The following RNF182 variants were observed in gnomAD, a reference collection of about 807,000 sequenced individuals.
RNF182 encodes ring finger protein 182, also known as E3 ubiquitin-protein ligase RNF182.
Under a neutral mutation model 14.4 loss-of-function variants are expected in RNF182, and 15 were observed. The ratio of observed to expected loss-of-function variants is 1.04; its 90% CI spans 0.70 to 1.60. The LOEUF is 1.60. RNF182 is among the 40% of genes most tolerant of loss of function. The pLI is 0.00. For synonymous variants in RNF182, 128 were observed against 122.9 expected (o/e 1.04, Z -0.27); for missense variants, 268 against 294.8 (o/e 0.91, Z 0.67).
intron 1 of RNF182, among the ~76,000 whole-genome samples, chr6:13,973,323 T>C (rs1036665745): frequency 6.6e-6 from 1 of 152,146 alleles, no homozygotes; most frequent in African/African-American, 2.4e-5. Flanking sequence ...GACTATGGAC[T>C]TTTGAGTTAA....
In RNF182 at chr6:13,977,674, A is replaced by C; in HGVS notation, c.555A>C (p.Leu185Phe). 2 of 1,614,110 alleles carry C rather than the reference A, an allele frequency of 1.2e-6. No homozygotes were observed. Among genetic ancestry groups the C allele is most frequent in the Non-Finnish European group, 1.7e-6 (2 of 1,179,986 alleles). Residue 185 changes from leucine to phenylalanine, a missense_variant, in exon 3 of 3, where the codon TTA becomes TTC. Leu to Phe is a conservative substitution (Grantham distance 22). Transcript: ENST00000488300. ...TGTTTCAGACATCCATCCGGGTGTT[A>C]GTGTGGTTGCTAGGTTTGCTCTACT... ...SLLFQTSIRV[L>F]VWLLGLLYFS...
intron 1 of RNF182, among the ~76,000 whole-genome samples, chr6:13,946,010 A>G (rs1051796140): frequency 6.6e-6 from 1 of 152,130 alleles, no homozygotes; most frequent in Non-Finnish European, 1.5e-5. Context: ...CCTTAGGTAT[A>G]ATGCTTATTT....
chr6:13,924,564 A>C (rs1758761083), upstream of RNF182: 1 of 152,286 alleles, frequency 6.6e-6, no homozygotes, highest in Non-Finnish European at 1.5e-5. Flanking sequence ...ACAGCTCCAC[A>C]GGAGAAAGGT....
intron 1 of RNF182, chr6:13,949,435 G>T (rs1316372609): frequency 3.0e-5 from 21 of 707,958 alleles, no homozygotes; most frequent in Non-Finnish European, 4.9e-5. Context: ...TCATCTATAG[G>T]TTTCTTTGAC....
intron 1 of RNF182, among the ~76,000 whole-genome samples, chr6:13,955,303 C>T (rs1759698903): frequency 6.6e-6 from 1 of 152,140 alleles, no homozygotes; most frequent in South Asian, 2.1e-4. Context: ...AAGGATTACA[C>T]AGTAATACAA....
intron 1 of RNF182, among the ~76,000 whole-genome samples, chr6:13,935,035 A>G (rs992988449): frequency 2.6e-5 from 4 of 152,212 alleles, no homozygotes; most frequent in African/African-American, 7.2e-5. Flanking sequence ...TGGAATAGGA[A>G]GCCATTCTAG....
At chr6:13,935,251 C>T (rs1440432839) in intron 1 of RNF182, among the ~76,000 whole-genome samples, 2 of 151,946 alleles carry the variant, frequency 1.3e-5, no homozygotes, top group Non-Finnish European at 2.9e-5. Context: ...TTTATGTGAT[C>T]GATTGATACC....
chr6:13,937,016 T>TA (rs1759127796), intron 1 of RNF182, among the ~76,000 whole-genome samples: 1 of 152,144 alleles, frequency 6.6e-6, no homozygotes. Context: ...GACGTTAAAA[T>TA]ATGTTGAGCA....
At chr6:13,939,191 G>C (rs938425124) in intron 1 of RNF182, among the ~76,000 whole-genome samples, 3 of 152,178 alleles carry the variant, frequency 2.0e-5, no homozygotes, top group Admixed American at 2.0e-4. Context: ...CCCATTTTTA[G>C]TGTTTGGCGT....
intron 1 of RNF182, among the ~76,000 whole-genome samples, chr6:13,962,377 A>G (rs1242118041): frequency 1.3e-5 from 2 of 152,206 alleles, no homozygotes; most frequent in Admixed American, 6.5e-5. Context: ...GTAAAAACCA[A>G]TGTTCTGCCT....
chr6:13,947,785 A>G (rs1238497988), intron 1 of RNF182, among the ~76,000 whole-genome samples: 2 of 152,190 alleles, frequency 1.3e-5, no homozygotes, highest in Non-Finnish European at 2.9e-5. Context: ...TCCTTAAACC[A>G]GTTTGTTTAC....
intron 2 of RNF182, among the ~76,000 whole-genome samples, chr6:13,976,563 A>G: frequency 6.6e-6 from 1 of 152,198 alleles, no homozygotes; most frequent in East Asian, 1.9e-4. Flanking sequence ...TACATGTCCC[A>G]TTCTGTTTTC....
intron 1 of RNF182, among the ~76,000 whole-genome samples, chr6:13,957,481 T>C (rs1759759859): frequency 6.6e-6 from 1 of 152,238 alleles, no homozygotes; most frequent in South Asian, 2.1e-4. Context: ...TGCCCATTAT[T>C]AATTGAGGCA....
chr6:13,977,946 G>T lies in RNF182; in HGVS notation c.*83G>T. The T allele has an allele frequency of 1.4e-6, 2 of 1,387,692 alleles. No homozygotes were observed. The highest frequency in any genetic ancestry group is 2.0e-6 in the Non-Finnish European group (2 of 1,025,418). 86.0% of individuals were successfully genotyped at this position (1,387,692 alleles called of 1,614,324 possible). A position where few individuals can be genotyped will look rare whatever the true frequency, so the allele number is the denominator to read the frequency against. ...TAATTTATAATTTATTTTCTTTTAT[G>T]TTCTTTATGATTAGTATCCATGACA... On this transcript the variant is annotated 3_prime_UTR_variant, in exon 3 of 3. Coordinates refer to ENST00000488300, the MANE Select transcript of RNF182 (RefSeq NM_152737.4).
chr6:13,933,095 A>G (rs1433881420), intron 1 of RNF182, among the ~76,000 whole-genome samples: 1 of 152,214 alleles, frequency 6.6e-6, no homozygotes, highest in African/African-American at 2.4e-5. Flanking sequence ...AATTCTTCCT[A>G]TGACACAGAT....
chr6:13,937,773 C>G (rs1335211575), intron 1 of RNF182, among the ~76,000 whole-genome samples: 309 of 152,316 alleles, frequency 2.0e-3, no homozygotes, highest in African/African-American at 7.2e-3. Flanking sequence ...CGGCGACATT[C>G]TCAACATCAG....
At chr6:13,937,955 G>T (rs1463796966) in intron 1 of RNF182, among the ~76,000 whole-genome samples, 1 of 148,360 alleles carries the variant, frequency 6.7e-6, no homozygotes, top group African/African-American at 2.5e-5. Flanking sequence ...TCCATGAAAT[G>T]CCAGTTCAAA....
chr6:13,942,028 T>G (rs1759312762), intron 1 of RNF182, among the ~76,000 whole-genome samples: 1 of 152,222 alleles, frequency 6.6e-6, no homozygotes, highest in African/African-American at 2.4e-5. Flanking sequence ...TTTACTTGTT[T>G]GAAACTATTT....
chr6:13,953,654 CAGG>C (rs1472698798), intron 1 of RNF182, among the ~76,000 whole-genome samples: 1 of 152,128 alleles, frequency 6.6e-6, no homozygotes, highest in East Asian at 1.9e-4. Context: ...AGTAGACAAT[CAGG>C]AGAGATTAGC....
Sources: allele counts gnomAD v4.1 joint callset (sites outside exome capture counted in the v4.1 genomes callset), GRCh38; gene constraint gnomAD v4.1.1; transcripts MANE v1.5; gene names NCBI Gene and HGNC (gene_info 2026-07-23, HGNC 2026-07-21).